The following LRRC1 variants were observed in gnomAD, a reference collection of about 807,000 sequenced individuals.
LRRC1 encodes the protein leucine rich repeat containing 1.
LRRC1 carries 28 observed loss-of-function variants against 69.9 expected under a neutral mutation model. That is an observed-to-expected ratio of 0.40 (90% CI 0.30 to 0.55). The LOEUF (loss-of-function observed/expected upper bound fraction) is 0.55, where lower values mean the gene tolerates loss of function less well. Ranked by LOEUF, LRRC1 falls within the 20% of genes least tolerant of loss-of-function variation. LRRC1 has a pLI of 0.47. For synonymous variants in LRRC1, 236 were observed against 240.2 expected (o/e 0.98, Z 0.16); for missense variants, 498 against 609.0 (o/e 0.82, Z 1.92).
At chr6:53,870,232 C>T (rs1766837614) in intron 2 of LRRC1, among the ~76,000 whole-genome samples, 1 of 152,100 alleles carries the variant, frequency 6.6e-6, no homozygotes, top group African/African-American at 2.4e-5. Context: ...TTACAGCCAC[C>T]ATTCATGTGA....
chr6:53,804,282 TG>T (rs1431968272), intron 1 of LRRC1, among the ~76,000 whole-genome samples: 2 of 152,224 alleles, frequency 1.3e-5, no homozygotes, highest in African/African-American at 4.8e-5. Context: ...ATTGTATACA[TG>T]TATATGGTAT....
At chr6:53,807,304 T>C (rs1283907470) in intron 1 of LRRC1, among the ~76,000 whole-genome samples, 1 of 152,176 alleles carries the variant, frequency 6.6e-6, no homozygotes, top group Non-Finnish European at 1.5e-5. Flanking sequence ...CTCCACATGC[T>C]TATTGTTGAG....
intron 1 of LRRC1, among the ~76,000 whole-genome samples, chr6:53,838,191 C>T (rs1486294453): frequency 6.6e-6 from 1 of 152,030 alleles, no homozygotes; most frequent in Non-Finnish European, 1.5e-5. Flanking sequence ...CTTTGGATAC[C>T]ATATTAAGAT....
chr6:53,894,247 G>C (rs1767796502), intron 4 of LRRC1, among the ~76,000 whole-genome samples: 1 of 152,190 alleles, frequency 6.6e-6, no homozygotes, highest in Non-Finnish European at 1.5e-5. Context: ...TGTCATGGTA[G>C]CATCATCAAC....
intron 4 of LRRC1, among the ~76,000 whole-genome samples, chr6:53,891,155 T>C (rs896377524): frequency 6.6e-6 from 1 of 152,172 alleles, no homozygotes; most frequent in African/African-American, 2.4e-5. Flanking sequence ...AAATACTTCA[T>C]GTATTCTCTT....
chr6:53,885,627 T>A (rs1440892232), intron 4 of LRRC1, among the ~76,000 whole-genome samples: 2 of 152,156 alleles, frequency 1.3e-5, no homozygotes, highest in African/African-American at 4.8e-5. Context: ...ACTTCATTTC[T>A]CCTCTTGGCA....
At chr6:53,916,374 A>G (rs1209934990) in intron 11 of LRRC1, among the ~76,000 whole-genome samples, 1 of 152,194 alleles carries the variant, frequency 6.6e-6, no homozygotes, top group Non-Finnish European at 1.5e-5. Context: ...TAAAAGACAA[A>G]CAACAGCATA....
At chr6:53,920,961 G>GTTTTTTTTTTTTTTTTTTT (rs201940946) in intron 13 of LRRC1, among the ~76,000 whole-genome samples, 200 bp downstream of exon 13, 1 of 147,688 alleles carries the variant, frequency 6.8e-6, no homozygotes, top group African/African-American at 2.5e-5. Flanking sequence ...GAACTCATGG[G>GTTTTTTTTTTTTTTTTTTT]TTTTTTTTTT....
intron 7 of LRRC1, among the ~76,000 whole-genome samples, chr6:53,897,879 C>T (rs1767927006): frequency 6.6e-6 from 1 of 152,166 alleles, no homozygotes. Flanking sequence ...GAACCATGTC[C>T]CAAATGAAGC....
intron 1 of LRRC1, among the ~76,000 whole-genome samples, chr6:53,808,253 G>A (rs1764692404): frequency 6.6e-6 from 1 of 152,134 alleles, no homozygotes; most frequent in Admixed American, 6.5e-5. Flanking sequence ...GAGATAGCTT[G>A]GGGGTAAAGT....
At chr6:53,862,662 C>G (rs968252015) in intron 2 of LRRC1, among the ~76,000 whole-genome samples, 1 of 152,264 alleles carries the variant, frequency 6.6e-6, no homozygotes, top group Admixed American at 6.5e-5. Context: ...TCCTGCCTCC[C>G]CTTCTGTACC....
chr6:53,920,249 T>A (rs2494086), intron 12 of LRRC1, among the ~76,000 whole-genome samples: 111,541 of 152,128 alleles, frequency 0.73, 41,732 homozygotes, highest in East Asian at 0.98. Flanking sequence ...CTAGTGTCCA[T>A]CATGTGCAGC....
chr6:53,878,539 A>G (rs755622825), intron 2 of LRRC1, among the ~76,000 whole-genome samples: 14 of 152,196 alleles, frequency 9.2e-5, no homozygotes, highest in Non-Finnish European at 1.8e-4. Context: ...AATAGGGCTC[A>G]TGCTCTTATG....
chr6:53,838,326 T>G (rs1247618317), intron 1 of LRRC1, among the ~76,000 whole-genome samples: 2 of 152,198 alleles, frequency 1.3e-5, no homozygotes, highest in Non-Finnish European at 2.9e-5. Flanking sequence ...TGTGACAGGC[T>G]CTAGTGGAGG....
At chr6:53,865,785 G>A (rs1175279837) in intron 2 of LRRC1, among the ~76,000 whole-genome samples, 1 of 147,654 alleles carries the variant, frequency 6.8e-6, no homozygotes, top group African/African-American at 2.5e-5. Context: ...ACAGTGGTGT[G>A]ATCTCGGCTC....
At chr6:53,799,789 G>A (rs1223029357) in intron 1 of LRRC1, among the ~76,000 whole-genome samples, 2 of 152,156 alleles carry the variant, frequency 1.3e-5, no homozygotes, top group African/African-American at 4.8e-5. Context: ...CAGAAGTTCT[G>A]TTTCTAGGGG....
rs566084597 is a variant in LRRC1, at chr6:53,833,163, T to C, written c.160-8947T>C. Among the ~76,000 whole-genome samples, 12 of 152,312 alleles carry C rather than the reference T, an allele frequency of 7.9e-5. No homozygotes were observed. In the South Asian group the frequency reaches 2.5e-3, roughly 32 times the overall value. On this transcript the variant is annotated intron_variant, in intron 1 of 13. Transcript: ENST00000370888. ...CTGGTCCTCCCATGTCAACAGCTCA[T>C]CCCTTCAGTCAAGTTACCAGTAAAG... is the stretch of plus-strand genomic sequence containing the variant.
chr6:53,915,928 T>C (rs1562074200), intron 11 of LRRC1, among the ~76,000 whole-genome samples: 1 of 152,218 alleles, frequency 6.6e-6, no homozygotes, highest in Non-Finnish European at 1.5e-5. Context: ...TGGGAAATCA[T>C]ACTAAATCAT....
At chr6:53,818,089 A>G (rs1181648392) in intron 1 of LRRC1, among the ~76,000 whole-genome samples, 4 of 152,320 alleles carry the variant, frequency 2.6e-5, no homozygotes, top group South Asian at 2.1e-4. Flanking sequence ...TCCCTTTTCC[A>G]GGTCTGTGCT....
Sources: gnomAD v4.1 joint callset for allele counts (sites outside exome capture counted in the v4.1 genomes callset) on GRCh38, gnomAD v4.1.1 for gene constraint, MANE v1.5 for transcripts, NCBI Gene and HGNC (gene_info 2026-07-23, HGNC 2026-07-21) for gene names.